Variants in MAGI1 observed in about 807,000 individuals in gnomAD.
MAGI1 encodes membrane-associated guanylate kinase, WW and PDZ domain-containing protein 1.
MAGI1 carries 58 observed loss-of-function variants against 139.9 expected under a neutral mutation model. The observed-to-expected ratio is 0.41, with a 90% CI of 0.34 to 0.52. The LOEUF (loss-of-function observed/expected upper bound fraction) is 0.52. Among genes scored for constraint, MAGI1 ranks in the 20% least tolerant of loss-of-function variants. MAGI1 has a pLI of 0.12. For missense variants in MAGI1, 1,874 were observed against 1,901.6 expected, an observed-to-expected ratio of 0.99 and a Z score of 0.27; for synonymous variants, 812 against 737.9, an observed-to-expected ratio of 1.10 and a Z score of -1.63.
chr3:65,909,172 C>T (rs953638369), intron 1 of MAGI1, among the ~76,000 whole-genome samples: 1 of 152,072 alleles, frequency 6.6e-6, no homozygotes, highest in Non-Finnish European at 1.5e-5. Flanking sequence ...TTTCTCTTCC[C>T]GTACTGACAC....
At chr3:65,597,935 G>GT in intron 2 of MAGI1, 6 of 395,910 alleles carry the variant, frequency 1.5e-5, no homozygotes, top group African/African-American at 4.6e-5. Flanking sequence ...TGGGGGGGGG[G>GT]TGGGACCGAA....
intron 1 of MAGI1, among the ~76,000 whole-genome samples, chr3:66,025,934 G>A (rs997613759): frequency 7.2e-5 from 11 of 151,844 alleles, no homozygotes; most frequent in Non-Finnish European, 8.8e-5. Context: ...ATAAGGTCAC[G>A]ATACTATTTA....
chr3:65,602,036 C>A (rs544715993), intron 2 of MAGI1, among the ~76,000 whole-genome samples: 2 of 152,220 alleles, frequency 1.3e-5, no homozygotes, highest in Non-Finnish European at 2.9e-5. Context: ...AATGACATCC[C>A]ATTCATACCC....
chr3:65,928,826 T>A (rs1338548162), intron 1 of MAGI1, among the ~76,000 whole-genome samples: 1 of 152,138 alleles, frequency 6.6e-6, no homozygotes, highest in Non-Finnish European at 1.5e-5. Context: ...GCCCATTATT[T>A]CAGCCTCTAA....
chr3:65,914,471 A>T (rs2061806188), intron 1 of MAGI1, among the ~76,000 whole-genome samples: 1 of 152,186 alleles, frequency 6.6e-6, no homozygotes, highest in Non-Finnish European at 1.5e-5. Flanking sequence ...AAAAGTAGAG[A>T]ATTATGGAGA....
At chr3:65,786,556 G>A (rs866118575) in intron 1 of MAGI1, among the ~76,000 whole-genome samples, 1 of 150,144 alleles carries the variant, frequency 6.7e-6, no homozygotes, top group African/African-American at 2.5e-5. Flanking sequence ...TACCACCTCA[G>A]CCTCCAAGAG....
intron 1 of MAGI1, among the ~76,000 whole-genome samples, chr3:65,849,403 C>G (rs1041501887): frequency 6.6e-6 from 1 of 151,546 alleles, no homozygotes; most frequent in Non-Finnish European, 1.5e-5. Flanking sequence ...CAGTGATGAG[C>G]ACAGTCCATC....
At chr3:65,992,082 T>C (rs2066211205) in intron 1 of MAGI1, among the ~76,000 whole-genome samples, 2 of 152,168 alleles carry the variant, frequency 1.3e-5, no homozygotes, top group Non-Finnish European at 2.9e-5. Flanking sequence ...TGCAAGATGA[T>C]GGCATGGAAG....
At chr3:65,872,773 C>A (rs932054601) in intron 1 of MAGI1, 1 of 152,176 alleles carries the variant, frequency 6.6e-6, no homozygotes, top group Non-Finnish European at 1.5e-5. Flanking sequence ...AGGGTCATGT[C>A]TCCCAAACAT....
At chr3:65,992,918 T>G (rs1292471083) in intron 1 of MAGI1, among the ~76,000 whole-genome samples, 1 of 152,092 alleles carries the variant, frequency 6.6e-6, no homozygotes, top group East Asian at 1.9e-4. Context: ...CTCAATCTCC[T>G]GGGTCAAAAG....
chr3:65,509,706 A>AGGC (rs982817586), intron 2 of MAGI1, among the ~76,000 whole-genome samples: 2 of 152,210 alleles, frequency 1.3e-5, no homozygotes, highest in Admixed American at 6.5e-5. Flanking sequence ...TCAAACTGCA[A>AGGC]GGCGGCAACG....
chr3:65,596,559 A>C (rs1051101219), intron 2 of MAGI1, among the ~76,000 whole-genome samples: 2 of 152,226 alleles, frequency 1.3e-5, no homozygotes, highest in Non-Finnish European at 2.9e-5. Flanking sequence ...CAAATAATTT[A>C]GTTCAGGCAC....
intron 1 of MAGI1, among the ~76,000 whole-genome samples, chr3:65,629,754 AT>A (rs981478960): frequency 2.6e-5 from 4 of 152,206 alleles, no homozygotes; most frequent in African/African-American, 9.6e-5. Context: ...ATTTTTCTAT[AT>A]TTTTTTCTTA....
chr3:66,021,717 C>A (rs2067971971), intron 1 of MAGI1, among the ~76,000 whole-genome samples: 1 of 152,140 alleles, frequency 6.6e-6, no homozygotes, highest in Non-Finnish European at 1.5e-5. Flanking sequence ...TTAACAAACA[C>A]CCTGCCTGAT....
intron 3 of MAGI1, among the ~76,000 whole-genome samples, chr3:65,488,490 C>A (rs2107649712): frequency 7.2e-6 from 1 of 138,532 alleles, no homozygotes; most frequent in Middle Eastern, 3.6e-3. Context: ...GCATGCACCA[C>A]CAAGCCCAGC....
chr3:65,500,716 A>G (rs1418931717), intron 2 of MAGI1, among the ~76,000 whole-genome samples: 1 of 152,196 alleles, frequency 6.6e-6, no homozygotes, highest in African/African-American at 2.4e-5. Flanking sequence ...TCACTCAACA[A>G]CTGTCCAAAT....
At chr3:65,363,336 G>A in intron 21 of MAGI1, 129 bp downstream of exon 21, 1 of 1,123,514 alleles carries the variant, frequency 8.9e-7, no homozygotes, top group Non-Finnish European at 1.2e-6. Flanking sequence ...TAGGAGTCAT[G>A]CACTTAAGAG....
intron 1 of MAGI1, among the ~76,000 whole-genome samples, chr3:65,821,770 C>G (rs1242472201): frequency 6.6e-6 from 1 of 152,136 alleles, no homozygotes; most frequent in Non-Finnish European, 1.5e-5. Context: ...TCCCCTAGGA[C>G]TTCACATATT....
intron 1 of MAGI1, chr3:65,844,146 A>G: frequency 1.9e-6 from 1 of 520,154 alleles, no homozygotes; most frequent in Admixed American, 1.9e-5. Flanking sequence ...TGGCCCAAAA[A>G]GAGTGCTAAA....
Sources: allele counts gnomAD v4.1 joint callset (sites outside exome capture counted in the v4.1 genomes callset), GRCh38; gene constraint gnomAD v4.1.1; transcripts MANE v1.5; gene names NCBI Gene and HGNC (gene_info 2026-07-23, HGNC 2026-07-21).